Variants in PTK2B observed in about 807,000 individuals in gnomAD.
The protein encoded by PTK2B is protein tyrosine kinase 2 beta, also known as protein-tyrosine kinase 2-beta.
Under a neutral mutation model 142.9 loss-of-function variants are expected in PTK2B, and 71 were observed. That is an observed-to-expected ratio of 0.50 (90% confidence interval 0.41 to 0.61). PTK2B has a LOEUF of 0.61. PTK2B is among the 20% of genes least tolerant of loss of function. The probability of loss-of-function intolerance (pLI) is 0.00; values close to 1 mark genes in which losing one functional copy is unlikely to be tolerated. For synonymous variants in PTK2B, 519 were observed against 503.4 expected, an observed-to-expected ratio of 1.03 and a Z score of -0.42; for missense variants, 1,105 against 1,320.4, an observed-to-expected ratio of 0.84 and a Z score of 2.53.
chr8:27,426,428 C>G (rs796147983), intron 5 of PTK2B, among the ~76,000 whole-genome samples: 1 of 152,180 alleles, frequency 6.6e-6, no homozygotes, highest in Non-Finnish European at 1.5e-5. Flanking sequence ...TCAGTGTTGG[C>G]GGTCCAGGCA....
At chr8:27,404,635 CTCA>C (rs1247226863) in intron 2 of PTK2B, among the ~76,000 whole-genome samples, 3 of 152,288 alleles carry the variant, frequency 2.0e-5, no homozygotes, top group Admixed American at 2.0e-4. Flanking sequence ...CACACCTGTC[CTCA>C]CCACCACCCG....
intron 3 of PTK2B, among the ~76,000 whole-genome samples, chr8:27,314,086 G>C (rs796880101): frequency 6.6e-6 from 1 of 152,194 alleles, no homozygotes; most frequent in Non-Finnish European, 1.5e-5. Flanking sequence ...ATGCATGTTC[G>C]TAGAGGCCAA....
At chr8:27,451,455 C>G (rs750809689) in intron 26 of PTK2B, 30 bp from the exon 27 acceptor site, 1 of 1,613,550 alleles carries the variant, frequency 6.2e-7, no homozygotes. Context: ...GCATGAGTGA[C>G]GTTCCTGTTC....
At chr8:27,323,324 GT>G (rs1803265755), upstream of PTK2B, 1 of 152,212 alleles carries the variant, frequency 6.6e-6, no homozygotes, top group Non-Finnish European at 1.5e-5. Context: ...ATAGACCTGA[GT>G]TTGGGGTAAG....
chr8:27,323,735 G>A (rs1803277303), upstream of PTK2B, among the ~76,000 whole-genome samples: 2 of 152,080 alleles, frequency 1.3e-5, no homozygotes, highest in Admixed American at 1.3e-4. Flanking sequence ...TGGCGGAGTT[G>A]GCCACCCCAG....
intron 18 of PTK2B, among the ~76,000 whole-genome samples, chr8:27,438,606 C>T (rs1810951897): frequency 6.6e-6 from 1 of 152,180 alleles, no homozygotes; most frequent in African/African-American, 2.4e-5. Context: ...TACCTGTGTT[C>T]AGGGAAGTGG....
chr8:27,439,418 G>A lies in PTK2B; in HGVS notation c.1834+20G>A. 1 of 1,599,806 alleles carries A rather than the reference G, an allele frequency of 6.3e-7. No homozygotes were observed. The highest frequency in any genetic ancestry group is 1.1e-5 in the South Asian group (1 of 90,774). On this transcript the variant is annotated intron_variant, in intron 20 of 30. Transcript: ENST00000346049. ...TGTTCGGTGAGTGCTGATTTGGGAG[G>A]GCATGAAAAGGTGTTCAGATTCTCA...
At chr8:27,451,143 AC>A in intron 26 of PTK2B, 65 bp downstream of exon 26, 1 of 1,549,716 alleles carries the variant, frequency 6.5e-7, no homozygotes, top group Non-Finnish European at 8.9e-7. Context: ...CCACCATAGG[AC>A]CCCCCGCCCA....
chr8:27,444,221 T>C lies in PTK2B; in HGVS notation c.2164T>C (p.Tyr722His). 1 of 1,613,718 alleles carries C rather than the reference T, an allele frequency of 6.2e-7. No individual in the cohort carries two copies. Among genetic ancestry groups the C allele is most frequent in the Non-Finnish European group, 8.5e-7 (1 of 1,179,686 alleles). ...EPPPKPSRPK[Y>H]RPPPQTNLLA... ...CTCTCTCCAGCCCAGCCGACCTAAG[T>C]ACAGACCCCCTCCGCAAACCAACCT... Residue 722 changes from tyrosine (Y) to histidine (H), a missense_variant, in exon 23 of 31, where the codon TAC becomes CAC. Tyr to His is a moderately conservative substitution (Grantham distance 83). Coordinates refer to ENST00000346049, the MANE Select transcript of PTK2B (RefSeq NM_173176.3).
At chr8:27,438,682 C>T (rs377391030) in intron 18 of PTK2B, among the ~76,000 whole-genome samples, 7 of 152,278 alleles carry the variant, frequency 4.6e-5, no homozygotes, top group African/African-American at 1.4e-4. Flanking sequence ...GTGTAGGCAA[C>T]AGCACAGAAG....
chr8:27,340,039 T>A (rs970583514), intron 1 of PTK2B, among the ~76,000 whole-genome samples: 1 of 152,258 alleles, frequency 6.6e-6, no homozygotes, highest in African/African-American at 2.4e-5. Context: ...CTTGAAGCCA[T>A]GTTTCCTATT....
chr8:27,393,754 G>T (rs1807864419), intron 1 of PTK2B, among the ~76,000 whole-genome samples: 1 of 152,080 alleles, frequency 6.6e-6, no homozygotes, highest in Non-Finnish European at 1.5e-5. Flanking sequence ...ACCCTGCCCT[G>T]ACACAAGCAC....
chr8:27,407,641 G>A (rs1289204942), intron 2 of PTK2B, among the ~76,000 whole-genome samples: 1 of 152,168 alleles, frequency 6.6e-6, no homozygotes, highest in Non-Finnish European at 1.5e-5. Context: ...CGGGAGGTGG[G>A]TCTCCCCAGG....
intron 1 of PTK2B, among the ~76,000 whole-genome samples, chr8:27,374,829 C>T (rs942536252): frequency 6.6e-6 from 1 of 152,176 alleles, no homozygotes; most frequent in African/African-American, 2.4e-5. Flanking sequence ...AAAGCCTGGC[C>T]CACATGCCCT....
At chr8:27,434,602 C>A (rs756231431) in intron 13 of PTK2B, 43 bp downstream of exon 13, 6 of 1,575,110 alleles carry the variant, frequency 3.8e-6, no homozygotes, top group East Asian at 2.3e-5. Context: ...AGTTGCCTCC[C>A]GTCTGCTTGC....
chr8:27,432,941 C>T (rs1810531788), intron 10 of PTK2B, among the ~76,000 whole-genome samples: 1 of 152,142 alleles, frequency 6.6e-6, no homozygotes, highest in Non-Finnish European at 1.5e-5. Flanking sequence ...ATTCTCCTGC[C>T]TCAGCCTCCT....
chr8:27,371,754 G>A (rs1806375137), intron 1 of PTK2B, among the ~76,000 whole-genome samples: 1 of 152,064 alleles, frequency 6.6e-6, no homozygotes, highest in African/African-American at 2.4e-5. Context: ...CACCATGTTG[G>A]CCAGGCTGGT....
rs773682209 is a variant in PTK2B, at chr8:27,458,415, C to T, written c.2936C>T (p.Ala979Val). ...GAGTGCAAGAGGCAGATGCTGACGG[C>T]TTCACACACCCTGGCTGTGGACGCC... Reference protein sequence around the residue: ...SEECKRQMLTASHTLAVDAKN... With the variant: ...SEECKRQMLTVSHTLAVDAKN... The change falls in exon 31 of 31, where the codon GCT becomes GTT. Residue 979 changes from alanine to valine, a missense_variant. Coordinates refer to ENST00000346049, the MANE Select transcript of PTK2B (RefSeq NM_173176.3). The T allele has an allele frequency of 1.2e-6, 2 of 1,612,496 alleles. No individual in the cohort carries two copies. Among genetic ancestry groups the T allele is most frequent in the Non-Finnish European group, 1.7e-6 (2 of 1,179,278 alleles).
intron 27 of PTK2B, 48 bp from the exon 28 acceptor site, chr8:27,453,066 G>A (rs1586363559): frequency 6.2e-7 from 1 of 1,607,298 alleles, no homozygotes. Context: ...GAAGGGAAGG[G>A]TTGGAGTGCT....
Sources: gnomAD v4.1 joint callset for allele counts (sites outside exome capture counted in the v4.1 genomes callset) on GRCh38, gnomAD v4.1.1 for gene constraint, MANE v1.5 for transcripts, NCBI Gene and HGNC (gene_info 2026-07-23, HGNC 2026-07-21) for gene names.